FAAH2: variants seen among roughly 807,000 people sequenced by gnomAD.
The protein encoded by FAAH2 is fatty-acid amide hydrolase 2.
In FAAH2, 60 loss-of-function variants were observed where a neutral mutation model predicts 36.9. That is an observed-to-expected ratio of 1.63 (90% CI 1.32 to 2.02). FAAH2 has a LOEUF of 2.02. Ranked by LOEUF, FAAH2 falls within the 30% of genes most tolerant of loss-of-function variation. The pLI, the probability that FAAH2 is intolerant of heterozygous loss-of-function variation, is 0.00. For missense variants in FAAH2, 689 were observed against 397.5 expected, an observed-to-expected ratio of 1.73 and a Z score of -6.23; for synonymous variants, 214 against 143.8, an observed-to-expected ratio of 1.49 and a Z score of -3.49.
the FAAH2 span, among the ~76,000 whole-genome samples, chrX:57,240,305 C>A: frequency 3.6e-5 from 4 of 111,435 alleles, no homozygotes; most frequent in African/African-American, 1.3e-4. Flanking sequence ...ACATTCAGCT[C>A]TGCACTACTG....
At chrX:57,225,485 C>A in the FAAH2 span, among the ~76,000 whole-genome samples, 1 of 111,551 alleles carries the variant, frequency 9.0e-6, no homozygotes, top group Admixed American at 9.5e-5. Flanking sequence ...CAGTTTTATT[C>A]CACTTTGGTC....
intron 10 of FAAH2, among the ~76,000 whole-genome samples, chrX:57,458,684 C>T (rs5960982): frequency 0.53 from 58,089 of 110,084 alleles, 13,746 homozygotes; most frequent in Non-Finnish European, 0.73. Context: ...CCATGGAGGG[C>T]GAGCAGAAGC....
the FAAH2 span, among the ~76,000 whole-genome samples, chrX:57,214,284 T>C: frequency 1.8e-5 from 2 of 112,232 alleles, no homozygotes; most frequent in Non-Finnish European, 3.8e-5. Context: ...AACATTTAAT[T>C]CATTTACTAC....
chrX:57,376,936 G>T (rs1275383313), intron 5 of FAAH2, among the ~76,000 whole-genome samples: 1 of 111,980 alleles, frequency 8.9e-6, no homozygotes, highest in Non-Finnish European at 1.9e-5. Flanking sequence ...GCATATGTTT[G>T]TTGGCTGCAT....
chrX:57,198,707 C>A, the FAAH2 span, among the ~76,000 whole-genome samples: 1 of 112,547 alleles, frequency 8.9e-6, no homozygotes. Flanking sequence ...CAGCCCTCCC[C>A]ATGGAGACTT....
chrX:57,251,546 C>T, the FAAH2 span, among the ~76,000 whole-genome samples: 2 of 111,624 alleles, frequency 1.8e-5, no homozygotes, highest in South Asian at 3.7e-4. Context: ...AAATTGGAAA[C>T]GAGTTAAAAT....
the FAAH2 span, among the ~76,000 whole-genome samples, chrX:57,163,737 AC>A: frequency 8.9e-6 from 1 of 112,001 alleles, no homozygotes; most frequent in Admixed American, 9.4e-5. Context: ...CGATGCGTGC[AC>A]CCACTGACCT....
At chrX:57,186,858 CGATCA>C in the FAAH2 span, among the ~76,000 whole-genome samples, 1 of 111,590 alleles carries the variant, frequency 9.0e-6, no homozygotes, top group South Asian at 3.7e-4. Flanking sequence ...GTTTTGTCAA[CGATCA>C]GATCATTGTA....
chrX:57,307,944 G>T (rs1196764851), intron 2 of FAAH2, among the ~76,000 whole-genome samples: 2 of 108,682 alleles, frequency 1.8e-5, no homozygotes, highest in Non-Finnish European at 3.8e-5. Flanking sequence ...TGACCTCTGG[G>T]TGCATCCATG....
chrX:57,432,695 T>C (rs1281798718), intron 8 of FAAH2, among the ~76,000 whole-genome samples: 1 of 111,541 alleles, frequency 9.0e-6, no homozygotes, highest in East Asian at 2.8e-4. Flanking sequence ...TTCAACATTC[T>C]GGAGAATTTA....
At chrX:57,368,576 G>A (rs780409935) in intron 5 of FAAH2, among the ~76,000 whole-genome samples, 64 of 111,866 alleles carry the variant, frequency 5.7e-4, no homozygotes, top group African/African-American at 2.0e-3. Context: ...CAGTGGAGCA[G>A]CACCAGAGAC....
the FAAH2 span, among the ~76,000 whole-genome samples, chrX:57,172,718 G>T: frequency 6.3e-5 from 7 of 111,897 alleles, no homozygotes; most frequent in East Asian, 2.0e-3. Context: ...AGTCAGGCCA[G>T]TCAGTGGCCT....
chrX:57,203,059 G>A, the FAAH2 span, among the ~76,000 whole-genome samples: 5 of 111,999 alleles, frequency 4.5e-5, no homozygotes, highest in African/African-American at 6.5e-5. Flanking sequence ...ACCCAGTGAC[G>A]CTAAAGGAAT....
intron 7 of FAAH2, among the ~76,000 whole-genome samples, chrX:57,419,954 A>G (rs2055964169): frequency 8.9e-6 from 1 of 111,980 alleles, no homozygotes; most frequent in Non-Finnish European, 1.9e-5. Flanking sequence ...CAGTTTTCCC[A>G]GCAGCATTTA....
chrX:57,418,985 G>A (rs1168092119), intron 7 of FAAH2, among the ~76,000 whole-genome samples: 1 of 102,784 alleles, frequency 9.7e-6, no homozygotes, highest in African/African-American at 3.6e-5. Flanking sequence ...TTTTGTCCTT[G>A]TGATAGTTTA....
rs780668114 is a variant in FAAH2, at chrX:57,415,870, G to T, written c.997-16048G>T. On this transcript the variant is annotated intron_variant, in intron 7 of 10. Coordinates refer to ENST00000374900, the MANE Select transcript of FAAH2 (RefSeq NM_174912.4). The stretch of plus-strand genomic sequence containing the variant: ...ATTTTGTGGGAGTCTAAGTCTCTTT[G>T]TAGGTCTCTAAGAACTTGCTTTATG... Among the ~76,000 whole-genome samples the T allele has an allele frequency of 4.5e-5, 5 of 111,104 alleles. No individual in the cohort carries two copies. In the Admixed American group the frequency reaches 4.8e-4, roughly 11 times the overall value.
intron 5 of FAAH2, among the ~76,000 whole-genome samples, chrX:57,357,841 A>C (rs2352876): frequency 0.36 from 39,811 of 110,134 alleles, 6,214 homozygotes; most frequent in Middle Eastern, 0.61. Context: ...CTGGGTATAC[A>C]CCCAAAGGAT....
At chrX:57,330,798 G>A (rs1233752193) in intron 3 of FAAH2, among the ~76,000 whole-genome samples, 1 of 111,192 alleles carries the variant, frequency 9.0e-6, no homozygotes, top group Non-Finnish European at 1.9e-5. Context: ...GACTATCGGG[G>A]CAGGTTCCCC....
chrX:57,341,752 C>T (rs1408432592), intron 5 of FAAH2, among the ~76,000 whole-genome samples: 2 of 110,748 alleles, frequency 1.8e-5, no homozygotes, highest in Non-Finnish European at 3.8e-5. Flanking sequence ...ACTTGGATTA[C>T]AGGAGGCTGT....
Sources: gnomAD v4.1 joint callset for allele counts (sites outside exome capture counted in the v4.1 genomes callset) on GRCh38, gnomAD v4.1.1 for gene constraint, MANE v1.5 for transcripts, NCBI Gene and HGNC (gene_info 2026-07-23, HGNC 2026-07-21) for gene names.